ACSL6: variants seen among roughly 807,000 people sequenced by gnomAD.
ACSL6 encodes long-chain-fatty-acid--CoA ligase 6.
In ACSL6, 47 loss-of-function variants were observed where a neutral mutation model predicts 98.2. That is an observed-to-expected ratio of 0.48 (90% confidence interval 0.38 to 0.61). ACSL6 has a LOEUF of 0.61. Among genes scored for constraint, ACSL6 ranks in the 20% least tolerant of loss-of-function variants. The pLI is 0.00. For missense variants in ACSL6, 761 were observed against 913.4 expected, an observed-to-expected ratio of 0.83 and a Z score of 2.15; for synonymous variants, 362 against 336.9, an observed-to-expected ratio of 1.07 and a Z score of -0.82.
At chr5:131,977,895 C>A (rs140993743) in intron 9 of ACSL6, among the ~76,000 whole-genome samples, 2 of 152,038 alleles carry the variant, frequency 1.3e-5, no homozygotes, top group East Asian at 1.9e-4. Context: ...AGAGAGAGAA[C>A]TTTTTTTCAT....
intron 11 of ACSL6, 32 bp from the exon 12 acceptor site, chr5:131,973,432 C>T: frequency 6.2e-7 from 1 of 1,609,732 alleles, no homozygotes; most frequent in Non-Finnish European, 8.5e-7. Context: ...GGAGGAGTCC[C>T]TTAGGGTGGT....
Position 131,970,136 on chromosome 5 carries a change from C to T in ACSL6, c.1499G>A (p.Trp500Ter). The change falls in exon 15 of 21, where the codon TGG (tryptophan) becomes TAG (stop). Residue 500 changes from tryptophan (W) to a stop codon, truncating the protein, a stop_gained. Transcript: ENST00000651883. LOFTEE classifies it high-confidence loss of function. ...TCTCTAGCCCATCCTACCTGAGGTCCAGTCGCCAGGAGTGGTGAAGGTACA... is the reference window on the plus strand; with the variant it reads ...TCTCTAGCCCATCCTACCTGAGGTCTAGTCGCCAGGAGTGGTGAAGGTACA... ...AGCTFTTPGDWTSGHVGAPLP... is the reference protein window; with the variant it reads ...AGCTFTTPGD The T allele has an allele frequency of 6.2e-7, 1 of 1,614,180 alleles. No homozygotes were observed. The highest frequency in any genetic ancestry group is 8.5e-7 in the Non-Finnish European group (1 of 1,180,032).
chr5:131,951,581 GT>G lies in ACSL6; in HGVS notation c.*2652del, dbSNP rs565819711. The G allele has an allele frequency of 0.13, 22,386 of 170,668 alleles. 3,777 individuals are homozygous for G. The highest frequency in any genetic ancestry group is 0.43 in the African/African-American group (17,501 of 41,142). The allele number at this position is 170,668 out of a possible 1,614,324, so 10.6% of individuals were successfully genotyped here. A position where few individuals can be genotyped will look rare whatever the true frequency, so the allele number is the denominator to read the frequency against. On this transcript the variant is annotated 3_prime_UTR_variant, in exon 21 of 21. Coordinates refer to ENST00000651883, the MANE Select transcript of ACSL6 (RefSeq NM_001009185.3). Reference sequence around the variant, plus strand: ...GGCAAAAAGAAGAAACCTTGTTTTTGTTTTTTTTTTTTCTTTCTTTTTGAGA... The same window carrying G: ...GGCAAAAAGAAGAAACCTTGTTTTTGTTTTTTTTTTTCTTTCTTTTTGAGA...
chr5:131,996,642 C>T (rs1210704953), intron 1 of ACSL6, among the ~76,000 whole-genome samples: 1 of 152,234 alleles, frequency 6.6e-6, no homozygotes, highest in Non-Finnish European at 1.5e-5. Flanking sequence ...GGCAGATGCT[C>T]ACAGACTCTG....
chr5:131,955,342 A>G (rs1427904613), intron 20 of ACSL6, among the ~76,000 whole-genome samples: 1 of 152,232 alleles, frequency 6.6e-6, no homozygotes, highest in Non-Finnish European at 1.5e-5. Flanking sequence ...CTTGACATTC[A>G]AAGAAGCACA....
chr5:131,976,786 C>T, intron 9 of ACSL6, 65 bp from the exon 10 acceptor site: 1 of 1,390,622 alleles, frequency 7.2e-7, no homozygotes, highest in South Asian at 1.2e-5. Context: ...GAGAGCAGTG[C>T]CCAAGTTGGC....
intron 9 of ACSL6, chr5:131,982,078 G>C (rs1326930828): frequency 6.7e-6 from 1 of 149,432 alleles, no homozygotes; most frequent in East Asian, 2.0e-4. Context: ...GGATGGGCTC[G>C]ATCTCCTGAC....
In ACSL6 at chr5:131,975,436, C is replaced by T. The variant is rs775385313; in HGVS notation, c.991-466G>A. On this transcript the variant is annotated intron_variant, in intron 10 of 20. Coordinates refer to ENST00000651883, the MANE Select transcript of ACSL6 (RefSeq NM_001009185.3). ...ATTTCTCCAGGATCCCTGGGCTACCCGGGCAGGGATTCAGAAGGTCTTGGC... is the reference window on the plus strand; with the variant it reads ...ATTTCTCCAGGATCCCTGGGCTACCTGGGCAGGGATTCAGAAGGTCTTGGC... 42 of 985,414 alleles carry T rather than the reference C, an allele frequency of 4.3e-5. No homozygotes were observed. The African/African-American group carries it at 5.4e-4, about 13-fold the overall frequency. The allele number at this position is 985,414 out of a possible 1,614,324, so 61.0% of individuals were successfully genotyped here.
intron 12 of ACSL6, among the ~76,000 whole-genome samples, 160 bp from the exon 13 acceptor site, chr5:131,973,018 C>T (rs993147155): frequency 6.6e-6 from 1 of 152,188 alleles, no homozygotes; most frequent in African/African-American, 2.4e-5. Context: ...AAGGTTAACA[C>T]TGCCAGGGTC....
In ACSL6 at chr5:131,990,131, T is replaced by G. The variant is rs765832616; in HGVS notation, c.419A>C (p.Lys140Thr). 1 of 1,614,050 alleles carries G rather than the reference T, an allele frequency of 6.2e-7. No homozygotes were observed. ...NGPCLGFRKPKQPYQWLSYQE... is the reference protein window; with the variant it reads ...NGPCLGFRKPTQPYQWLSYQE... The stretch of plus-strand genomic sequence containing the variant: ...GTAGGACAGCCACTGGTAAGGCTGC[T>G]TAGGCTTCCTGAAACCAAGACAGGG... The change falls in exon 4 of 21, where the codon AAG (lysine) becomes ACG (threonine). Residue 140 changes from lysine to threonine, a missense_variant. By Grantham distance (78) the Lys-to-Thr change is moderately conservative (BLOSUM62 -1). Transcript: ENST00000651883.
At chr5:131,989,976 G>T in intron 4 of ACSL6, 124 bp downstream of exon 4, 4 of 1,042,886 alleles carry the variant, frequency 3.8e-6, no homozygotes, top group Non-Finnish European at 5.5e-6. Context: ...CCAGGAGTTT[G>T]GCAGACAGGC....
At chr5:131,984,593 C>G (rs1036734469) in intron 9 of ACSL6, 1 of 152,442 alleles carries the variant, frequency 6.6e-6, no homozygotes, top group African/African-American at 2.4e-5. Flanking sequence ...CAATCCTGCT[C>G]ACCTCACAGG....
At chr5:132,003,072 G>A (rs1275899278) in intron 1 of ACSL6, among the ~76,000 whole-genome samples, 1 of 152,160 alleles carries the variant, frequency 6.6e-6, no homozygotes. Context: ...TTTTTTTGTA[G>A]ACTAGAAAGT....
At chr5:131,983,793 C>G (rs1239295112) in intron 9 of ACSL6, 1 of 152,316 alleles carries the variant, frequency 6.6e-6, no homozygotes, top group African/African-American at 2.4e-5. Flanking sequence ...GCTTCCACCA[C>G]ACAGAGCTTG....
intron 6 of ACSL6, 157 bp downstream of exon 6, chr5:131,988,648 C>T (rs1355975046): frequency 6.2e-7 from 1 of 1,611,112 alleles, no homozygotes; most frequent in African/African-American, 1.3e-5. Context: ...CAGCTTGACT[C>T]AGGAAGCCAA....
intron 14 of ACSL6, among the ~76,000 whole-genome samples, chr5:131,970,604 T>A (rs1423400725): frequency 1.3e-5 from 2 of 151,826 alleles, no homozygotes; most frequent in African/African-American, 4.8e-5. Context: ...AGAGACGGGG[T>A]TTCATCGTGT....
intron 20 of ACSL6, among the ~76,000 whole-genome samples, chr5:131,958,695 G>A (rs1424977478): frequency 6.6e-6 from 1 of 151,942 alleles, no homozygotes; most frequent in African/African-American, 2.4e-5. Context: ...GCAAATTAAA[G>A]CACTGTAAGA....
Position 131,985,421 on chromosome 5 carries a change from G to A in ACSL6, c.902C>T (p.Thr301Ile). The A allele has an allele frequency of 6.2e-7, 1 of 1,614,094 alleles. No individual in the cohort carries two copies. The highest frequency in any genetic ancestry group is 8.5e-7 in the Non-Finnish European group (1 of 1,180,018). The part of the protein sequence containing the change: ...QPDDLSIVCF[T>I]SGTTGNPKGA... The stretch of plus-strand genomic sequence containing the variant: ...CCTCTGCTTACCTGTCGTGCCGCTT[G>A]TGAAACACACAATGGAGAGGTCATC... Residue 301 changes from threonine to isoleucine, a missense_variant, in exon 9 of 21, where the codon ACA becomes ATA. Thr to Ile is a moderately conservative substitution (Grantham distance 89). Transcript: ENST00000651883.
At chr5:131,986,716 T>G in intron 8 of ACSL6, 106 bp downstream of exon 8, 4 of 1,393,604 alleles carry the variant, frequency 2.9e-6, no homozygotes, top group Non-Finnish European at 4.1e-6. Flanking sequence ...ACACAGGAGT[T>G]GCTTATTAAC....
Sources: allele counts gnomAD v4.1 joint callset (sites outside exome capture counted in the v4.1 genomes callset), GRCh38; gene constraint gnomAD v4.1.1; transcripts MANE v1.5; gene names NCBI Gene and HGNC (gene_info 2026-07-23, HGNC 2026-07-21).